Variants in DCP2 observed in about 807,000 individuals in gnomAD.
DCP2 encodes the protein decapping mRNA 2.
A neutral mutation model predicts 56.1 loss-of-function variants in DCP2; 30 were observed. The observed-to-expected ratio is 0.53, with a 90% CI of 0.40 to 0.73. DCP2 has a LOEUF of 0.73. DCP2 is among the 30% of genes least tolerant of loss of function. DCP2 has a pLI of 0.00. For synonymous variants in DCP2, 197 were observed against 163.3 expected, an observed-to-expected ratio of 1.21 and a Z score of -1.57; for missense variants, 533 against 502.7, an observed-to-expected ratio of 1.06 and a Z score of -0.58.
chr5:113,012,988 C>A (rs957632008), intron 10 of DCP2, among the ~76,000 whole-genome samples: 1 of 152,150 alleles, frequency 6.6e-6, no homozygotes, highest in Non-Finnish European at 1.5e-5. Flanking sequence ...TGGTAAACCC[C>A]AGCTTTATTT....
chr5:113,008,041 T>C lies in DCP2; in HGVS notation c.1046T>C (p.Met349Thr). 1 of 1,613,178 alleles carries C rather than the reference T, an allele frequency of 6.2e-7. No individual in the cohort carries two copies. Among genetic ancestry groups the C allele is most frequent in the Non-Finnish European group, 8.5e-7 (1 of 1,179,240 alleles). ...LQPAKQQNSL[M>T]KCEKKLHPRK... ...CCAGCAAAGCAGCAGAATTCTTTGA[T>C]GGTAAGAGTTATAGCTGTCACACTA... Residue 349 changes from methionine (M) to threonine (T), a missense_variant and splice_region_variant, in exon 9 of 11, where the codon ATG (methionine) becomes ACG (threonine). Physicochemically the swap from Met to Thr is moderately conservative, Grantham distance 81. Coordinates refer to ENST00000389063, the MANE Select transcript of DCP2 (RefSeq NM_152624.6).
At chr5:112,989,574 G>C (rs543342795) in intron 2 of DCP2, among the ~76,000 whole-genome samples, 2 of 152,062 alleles carry the variant, frequency 1.3e-5, no homozygotes, top group Non-Finnish European at 2.9e-5. Context: ...TAATTCAGAG[G>C]CTAAAACATG....
In DCP2 at chr5:113,019,291, C is replaced by G. The variant is rs1188103458; in HGVS notation, c.*5807C>G. ...AATGAAATTTAGAAAGATAATTCTTCAGCAGTTGGTTGATTAGATGGGTTA... is the reference window on the plus strand; with the variant it reads ...AATGAAATTTAGAAAGATAATTCTTGAGCAGTTGGTTGATTAGATGGGTTA... On this transcript the variant is annotated 3_prime_UTR_variant, in exon 11 of 11. Coordinates refer to ENST00000389063, the MANE Select transcript of DCP2 (RefSeq NM_152624.6). 1 of 152,180 alleles carries G rather than the reference C, an allele frequency of 6.6e-6. No individual in the cohort carries two copies. Among genetic ancestry groups the G allele is most frequent in the Non-Finnish European group, 1.5e-5 (1 of 68,040 alleles). The allele number at this position is 152,180 out of a possible 1,614,324, so 9.4% of individuals were successfully genotyped here. A position where few individuals can be genotyped will look rare whatever the true frequency, so the allele number is the denominator to read the frequency against.
rs1748627895 is a variant in DCP2 at position 112,992,228 on chromosome 5, C to G, written c.313C>G (p.Leu105Val). Residue 105 changes from leucine (L) to valine (V), a missense_variant, in exon 3 of 11, where the codon CTT (leucine) becomes GTT (valine). Coordinates refer to ENST00000389063, the MANE Select transcript of DCP2 (RefSeq NM_152624.6). ...MGVPTYGAII[L>V]DETLENVLLV... ...AGTACCAACATATGGTGCAATTATT[C>G]TTGATGAGACACTTGAAAATGTGAG... 3.1e-6 allele frequency: 5 copies of G among 1,611,298 alleles called. No homozygotes were observed. The highest frequency in any genetic ancestry group is 4.2e-6 in the Non-Finnish European group (5 of 1,179,298).
chr5:113,016,286 G>C lies in DCP2; in HGVS notation c.*2802G>C, dbSNP rs1232241188. The C allele has an allele frequency of 1.3e-5, 2 of 152,592 alleles. No individual in the cohort carries two copies. Among genetic ancestry groups the C allele is most frequent in the African/African-American group, 2.4e-5 (1 of 41,438 alleles). 9.5% of individuals were successfully genotyped at this position (152,592 alleles called of 1,614,324 possible). On this transcript the variant is annotated 3_prime_UTR_variant, in exon 11 of 11. Transcript: ENST00000389063. ...TACCCTCCTGAGACATGAGCATTTG[G>C]AGAGGCCTGAGAACCTAATAGAACT...
In DCP2 at chr5:112,994,079, G is replaced by T. The variant is rs1349132908; in HGVS notation, c.432+1309G>T. On this transcript the variant is annotated intron_variant, in intron 4 of 10. Transcript: ENST00000389063. Reference sequence around the variant, plus strand: ...CCCAAAGTGCTGGGATTAGAGACACGAGCCACCGTGCTTGACTGGGCCTTA... The same window carrying T: ...CCCAAAGTGCTGGGATTAGAGACACTAGCCACCGTGCTTGACTGGGCCTTA... Among the ~76,000 whole-genome samples the T allele has an allele frequency of 2.0e-5, 3 of 151,218 alleles. No homozygotes were observed. In the East Asian group the frequency reaches 5.8e-4, roughly 29 times the overall value.
chr5:112,996,835 A>G (rs1022643379), intron 4 of DCP2, among the ~76,000 whole-genome samples: 1 of 152,244 alleles, frequency 6.6e-6, no homozygotes, highest in Non-Finnish European at 1.5e-5. Flanking sequence ...GACTGTCAAA[A>G]GACAAAATCA....
In DCP2 at chr5:113,010,755, G is replaced by A. The variant is rs1417477752; in HGVS notation, c.1048-1G>A. On this transcript the variant is annotated splice_acceptor_variant, in intron 9 of 10. Transcript: ENST00000389063. LOFTEE classifies it high-confidence loss of function. ...TGTGTGTTTTTTTTTTTTTTAAATAGAAGTGTGAAAAGAAACTTCATCCAC... is the reference window on the plus strand; with the variant it reads ...TGTGTGTTTTTTTTTTTTTTAAATAAAAGTGTGAAAAGAAACTTCATCCAC... 3 of 1,550,574 alleles carry A rather than the reference G, an allele frequency of 1.9e-6. No individual in the cohort carries two copies. The highest frequency in any genetic ancestry group is 1.2e-5 in the South Asian group (1 of 84,186).
At chr5:112,998,352 T>C (rs1257839892) in intron 4 of DCP2, among the ~76,000 whole-genome samples, 4 of 152,194 alleles carry the variant, frequency 2.6e-5, no homozygotes, top group African/African-American at 4.8e-5. Context: ...AAGTCCTAGC[T>C]CCAGTTTATC....
At chr5:112,984,491 T>C (rs1748154601) in intron 1 of DCP2, 1 of 151,872 alleles carries the variant, frequency 6.6e-6, no homozygotes, top group South Asian at 2.1e-4. Flanking sequence ...CCAGCCATCA[T>C]TTATCATGGA....
chr5:112,995,119 G>A (rs962386595), intron 4 of DCP2, among the ~76,000 whole-genome samples: 18 of 152,146 alleles, frequency 1.2e-4, no homozygotes, highest in Non-Finnish European at 2.1e-4. Flanking sequence ...ATCAAAAAAT[G>A]ATTGAAAATG....
chr5:112,978,562 GC>G (rs1261657956), intron 1 of DCP2, among the ~76,000 whole-genome samples: 2 of 151,934 alleles, frequency 1.3e-5, no homozygotes, highest in African/African-American at 4.8e-5. Context: ...AAAGTAAATA[GC>G]CTAATTTTGC....
intron 2 of DCP2, among the ~76,000 whole-genome samples, chr5:112,990,724 G>A (rs1362530348): frequency 1.3e-5 from 2 of 152,176 alleles, no homozygotes; most frequent in African/African-American, 2.4e-5. Context: ...TTACAGGTAT[G>A]AGCCACCACA....
chr5:113,007,085 C>A (rs1417338477), intron 8 of DCP2, among the ~76,000 whole-genome samples: 1 of 151,754 alleles, frequency 6.6e-6, no homozygotes, highest in Non-Finnish European at 1.5e-5. Context: ...TTGCAGAGAG[C>A]CAAGCACTGT....
chr5:112,993,311 A>G (rs901914956), intron 4 of DCP2, among the ~76,000 whole-genome samples: 2 of 152,018 alleles, frequency 1.3e-5, no homozygotes, highest in Admixed American at 1.3e-4. Context: ...CTCTCTCTTG[A>G]ACTTGATTGA....
rs141047308 is a variant in DCP2, at chr5:113,021,646, G to GTAAC, written c.*8164_*8167dup. Among the ~76,000 whole-genome samples the GTAAC allele has an allele frequency of 1.0e-2, 1,518 of 152,240 alleles. 20 individuals are homozygous for GTAAC. The highest frequency in any genetic ancestry group is 0.033 in the African/African-American group (1,372 of 41,558). Reference sequence around the variant, plus strand: ...CATTAGAGACCTCAGCTATATGATAGTAACTTTTATTTTAAATTCTCAAAA... The same window carrying GTAAC: ...CATTAGAGACCTCAGCTATATGATAGTAACTAACTTTTATTTTAAATTCTCAAAA... On this transcript the variant is annotated 3_prime_UTR_variant, in exon 11 of 11. Coordinates refer to ENST00000389063, the MANE Select transcript of DCP2 (RefSeq NM_152624.6).
At chr5:112,984,575 A>G (rs532897427) in intron 1 of DCP2, 2 of 151,658 alleles carry the variant, frequency 1.3e-5, no homozygotes, top group South Asian at 2.1e-4. Context: ...CCTGAATGCA[A>G]CATGATTTAG....
chr5:112,983,277 C>T (rs1294269006), intron 1 of DCP2, among the ~76,000 whole-genome samples: 1 of 152,176 alleles, frequency 6.6e-6, no homozygotes, highest in Non-Finnish European at 1.5e-5. Context: ...AATTCCCCTC[C>T]CCTTCCCCAC....
At chr5:112,997,077 G>A (rs540189628) in intron 4 of DCP2, among the ~76,000 whole-genome samples, 11 of 152,274 alleles carry the variant, frequency 7.2e-5, no homozygotes, top group African/African-American at 2.2e-4. Context: ...AACTGAAACT[G>A]GTCTGTTTTG....
Sources: gnomAD v4.1 joint callset for allele counts (sites outside exome capture counted in the v4.1 genomes callset) on GRCh38, gnomAD v4.1.1 for gene constraint, MANE v1.5 for transcripts, NCBI Gene and HGNC (gene_info 2026-07-23, HGNC 2026-07-21) for gene names.